The following NIBAN1 variants were observed in gnomAD, a reference collection of about 807,000 sequenced individuals.
NIBAN1 encodes the protein niban apoptosis regulator 1.
A neutral mutation model predicts 75.1 loss-of-function variants in NIBAN1; 81 were observed. The observed-to-expected ratio is 1.08, with a 90% CI of 0.90 to 1.30. The LOEUF (loss-of-function observed/expected upper bound fraction) is 1.30, where lower values mean the gene tolerates loss of function less well. NIBAN1 is among the 50% of genes most tolerant of loss of function. The pLI, the probability that NIBAN1 is intolerant of heterozygous loss-of-function variation, is 0.00. For missense variants in NIBAN1, 1,133 were observed against 1,128.1 expected (o/e 1.00, Z -0.06); for synonymous variants, 436 against 424.8 (o/e 1.03, Z -0.32).
chr1:184,919,086 G>A (rs1008166414), intron 1 of NIBAN1, among the ~76,000 whole-genome samples: 2 of 152,078 alleles, frequency 1.3e-5, no homozygotes, highest in African/African-American at 2.4e-5. Context: ...TCCTTCATTA[G>A]AGAACCAGAA....
chr1:184,891,041 T>C (rs1349438416), intron 3 of NIBAN1, among the ~76,000 whole-genome samples: 1 of 152,204 alleles, frequency 6.6e-6, no homozygotes, highest in Non-Finnish European at 1.5e-5. Context: ...ATCTAGAATT[T>C]ACTCTTGGAA....
chr1:184,952,997 G>A (rs901816966), intron 1 of NIBAN1, among the ~76,000 whole-genome samples: 1 of 152,168 alleles, frequency 6.6e-6, no homozygotes, highest in African/African-American at 2.4e-5. Flanking sequence ...CTCCAGGAAT[G>A]GTTGACTAAG....
intron 5 of NIBAN1, among the ~76,000 whole-genome samples, chr1:184,842,886 T>G (rs1181880633): frequency 3.3e-5 from 5 of 150,770 alleles, no homozygotes; most frequent in Non-Finnish European, 4.4e-5. Flanking sequence ...TTGCAGTTGA[T>G]TTACACATCA....
chr1:184,864,618 A>T (rs537391527), intron 5 of NIBAN1, among the ~76,000 whole-genome samples: 1 of 152,252 alleles, frequency 6.6e-6, no homozygotes, highest in East Asian at 1.9e-4. Context: ...ACAGTCACCA[A>T]GGTGACTGTA....
chr1:184,918,624 C>G (rs754730017), intron 1 of NIBAN1, among the ~76,000 whole-genome samples: 14 of 152,186 alleles, frequency 9.2e-5, no homozygotes, highest in Non-Finnish European at 1.6e-4. Context: ...AGTCAAATTG[C>G]AAGTCTACCT....
At chr1:184,840,000 A>C (rs1340055090) in intron 5 of NIBAN1, among the ~76,000 whole-genome samples, 1 of 152,232 alleles carries the variant, frequency 6.6e-6, no homozygotes, top group African/African-American at 2.4e-5. Flanking sequence ...CACTTAGTCC[A>C]AATCTTTCAT....
At chr1:184,904,912 C>CT (rs1657051345) in intron 1 of NIBAN1, among the ~76,000 whole-genome samples, 2 of 148,796 alleles carry the variant, frequency 1.3e-5, no homozygotes, top group Admixed American at 1.3e-4. Flanking sequence ...GATCGCACCA[C>CT]TGCACCCTAG....
chr1:184,885,096 T>G (rs1449061412), intron 4 of NIBAN1, among the ~76,000 whole-genome samples: 4 of 152,204 alleles, frequency 2.6e-5, no homozygotes, highest in Non-Finnish European at 5.9e-5. Context: ...TCACCCAGGC[T>G]GGAGTACAGT....
At chr1:184,841,349 A>C (rs1371188478) in intron 5 of NIBAN1, among the ~76,000 whole-genome samples, 2 of 152,222 alleles carry the variant, frequency 1.3e-5, no homozygotes, top group African/African-American at 4.8e-5. Context: ...TCCACAAAGC[A>C]TGTAAGGTTG....
At chr1:184,855,330 G>T (rs1275063010) in intron 5 of NIBAN1, among the ~76,000 whole-genome samples, 1 of 152,114 alleles carries the variant, frequency 6.6e-6, no homozygotes, top group Non-Finnish European at 1.5e-5. Flanking sequence ...TAGCAGCTGG[G>T]CATAACATTG....
chr1:184,840,180 C>G (rs73050703), intron 5 of NIBAN1, among the ~76,000 whole-genome samples: 245 of 152,294 alleles, frequency 1.6e-3, no homozygotes, highest in African/African-American at 5.6e-3. Flanking sequence ...CCAACCTAAG[C>G]AAATGCTTAT....
intron 5 of NIBAN1, among the ~76,000 whole-genome samples, chr1:184,856,278 C>A (rs889899045): frequency 6.6e-6 from 1 of 152,074 alleles, no homozygotes; most frequent in Non-Finnish European, 1.5e-5. Flanking sequence ...TGCCTACATG[C>A]CTTCTGGAGA....
At chr1:184,911,390 C>T (rs899300118) in intron 1 of NIBAN1, among the ~76,000 whole-genome samples, 1 of 152,168 alleles carries the variant, frequency 6.6e-6, no homozygotes, top group Non-Finnish European at 1.5e-5. Flanking sequence ...AAGCATTTGG[C>T]TCAGCTTCAT....
chr1:184,925,416 T>C (rs1224406474), intron 1 of NIBAN1, among the ~76,000 whole-genome samples: 1 of 152,182 alleles, frequency 6.6e-6, no homozygotes, highest in Non-Finnish European at 1.5e-5. Context: ...TCAATGTTAT[T>C]ATTGATAAGT....
At chr1:184,941,416 G>A (rs1338019205) in intron 1 of NIBAN1, among the ~76,000 whole-genome samples, 4 of 152,102 alleles carry the variant, frequency 2.6e-5, no homozygotes, top group Admixed American at 1.3e-4. Context: ...TTAGGAGGCC[G>A]AGGCAGGTAG....
At chr1:184,816,555 C>T (rs1654541565) in intron 9 of NIBAN1, among the ~76,000 whole-genome samples, 1 of 152,078 alleles carries the variant, frequency 6.6e-6, no homozygotes, top group African/African-American at 2.4e-5. Context: ...GCACTAGGCC[C>T]CAACAAACCA....
At chr1:184,970,515 G>A (rs569373073) in intron 1 of NIBAN1, among the ~76,000 whole-genome samples, 1 of 152,160 alleles carries the variant, frequency 6.6e-6, no homozygotes, top group African/African-American at 2.4e-5. Flanking sequence ...AGCCACCTAA[G>A]TTAACCCTTG....
chr1:184,857,366 A>G (rs1655706775), intron 5 of NIBAN1, among the ~76,000 whole-genome samples: 1 of 152,218 alleles, frequency 6.6e-6, no homozygotes, highest in African/African-American at 2.4e-5. Context: ...GGAAAAGCAC[A>G]CTACAACATT....
chr1:184,939,082 C>CTG (rs1658028084), intron 1 of NIBAN1, among the ~76,000 whole-genome samples: 3 of 152,190 alleles, frequency 2.0e-5, no homozygotes, highest in African/African-American at 7.2e-5. Context: ...CCTTGACTAG[C>CTG]ATTCATTCAA....
Sources: gnomAD v4.1 joint callset for allele counts (sites outside exome capture counted in the v4.1 genomes callset) on GRCh38, gnomAD v4.1.1 for gene constraint, MANE v1.5 for transcripts, NCBI Gene and HGNC (gene_info 2026-07-23, HGNC 2026-07-21) for gene names.